Variants in DAPK3 observed in about 807,000 individuals in gnomAD.
DAPK3 encodes the protein death-associated protein kinase 3.
DAPK3 carries 24 observed loss-of-function variants against 30.6 expected under a neutral mutation model. The observed-to-expected ratio is 0.78, with a 90% confidence interval of 0.57 to 1.10. The LOEUF (loss-of-function observed/expected upper bound fraction) is 1.10, where lower values mean the gene tolerates loss of function less well. DAPK3 is among the 50% of genes least tolerant of loss of function. The probability of loss-of-function intolerance (pLI) is 0.00; values close to 1 mark genes in which losing one functional copy is unlikely to be tolerated. For missense variants in DAPK3, 629 were observed against 657.3 expected (o/e 0.96, Z 0.47); for synonymous variants, 341 against 284.0 (o/e 1.20, Z -2.02).
Position 3,959,818 on chromosome 19 carries a change from C to T in DAPK3, c.829-181G>A, listed in dbSNP as rs983549403. The stretch of plus-strand genomic sequence containing the variant: ...CTCTCTCGAGAAAAACGCTGCGGCC[C>T]TGGCCCCAGGAGTCAGCCCCGTTGG... On this transcript the variant is annotated intron_variant, in intron 8 of 8. Coordinates refer to ENST00000545797, the MANE Select transcript of DAPK3 (RefSeq NM_001348.3). 7 of 745,600 alleles carry T rather than the reference C, an allele frequency of 9.4e-6. No individual in the cohort carries two copies. In the Admixed American group the frequency reaches 1.2e-4, roughly 12 times the overall value. The allele number at this position is 745,600 out of a possible 1,614,324, so 46.2% of individuals were successfully genotyped here.
chr19:3,966,968 C>T (rs1485788290), intron 2 of DAPK3, among the ~76,000 whole-genome samples: 1 of 152,144 alleles, frequency 6.6e-6, no homozygotes, highest in African/African-American at 2.4e-5. Context: ...AGAGCTGAGC[C>T]CACCCTCTTC....
intron 6 of DAPK3, among the ~76,000 whole-genome samples, chr19:3,962,997 G>T (rs1256965688): frequency 1.3e-5 from 2 of 152,012 alleles, no homozygotes; most frequent in Admixed American, 1.3e-4. Context: ...AGCTACTCAG[G>T]AGACTGAGGC....
chr19:3,964,060 G>T, intron 4 of DAPK3, 141 bp from the exon 5 acceptor site: 1 of 800,884 alleles, frequency 1.2e-6, no homozygotes, highest in Non-Finnish European at 2.1e-6. Context: ...CTCAGGGCCT[G>T]ACGGGTAGGA....
Position 3,959,445 on chromosome 19 carries a change from C to G in DAPK3, c.1021G>C (p.Glu341Gln). 6.5e-7 allele frequency: 1 copy of G among 1,548,362 alleles called. No homozygotes were observed. The highest frequency in any genetic ancestry group is 2.4e-5 in the East Asian group (1 of 42,118). The change falls in exon 9 of 9, where the codon GAG (glutamate) becomes CAG (glutamine). Residue 341 changes from glutamate to glutamine, a missense_variant. Around this residue, in one of 2 missense-constraint regions of DAPK3, gnomAD observed 323 missense variants for 278.8 expected, o/e 1.16. Transcript: ENST00000545797. ...CAGAGCCGCCGGCTGCGCTGCAGCT[C>G]GCGCAGGCCCTCCTCGGCGGCCGCC... ...EAAAAEEGLR[E>Q]LQRSRRLCHE...
chr19:3,969,067 C>G (rs529923844), intron 2 of DAPK3, among the ~76,000 whole-genome samples: 34 of 152,198 alleles, frequency 2.2e-4, no homozygotes, highest in Non-Finnish European at 1.2e-4. Flanking sequence ...TCCCTCCCCC[C>G]ACTTTAAACA....
At chr19:3,962,492 C>A (rs1048928127) in intron 6 of DAPK3, among the ~76,000 whole-genome samples, 1 of 152,150 alleles carries the variant, frequency 6.6e-6, no homozygotes, top group Non-Finnish European at 1.5e-5. Flanking sequence ...TAAAAATTAG[C>A]CAGCTGGGCA....
At chr19:3,963,424 T>C (rs2039539687) in intron 6 of DAPK3, among the ~76,000 whole-genome samples, 1 of 145,128 alleles carries the variant, frequency 6.9e-6, no homozygotes, top group South Asian at 2.3e-4. Flanking sequence ...ACCCGGAGCC[T>C]GCTCAGCCGC....
rs953754892 is a variant in DAPK3 at position 3,961,251 on chromosome 19, G to T, written c.630-90C>A. ...GGCTGCCCACGACAGGCGGAGCACA[G>T]AAGACAGGCTGACGGCAGGTGCCTG... is the stretch of plus-strand genomic sequence containing the variant. On this transcript the variant is annotated intron_variant, in intron 6 of 8. Transcript: ENST00000545797. 39 of 1,099,362 alleles carry T rather than the reference G, an allele frequency of 3.5e-5. No homozygotes were observed. In the African/African-American group the frequency reaches 5.8e-4, roughly 16 times the overall value. 68.1% of individuals were successfully genotyped at this position (1,099,362 alleles called of 1,614,324 possible). A position where few individuals can be genotyped will look rare whatever the true frequency, so the allele number is the denominator to read the frequency against.
chr19:3,961,691 A>G (rs1216830702), intron 6 of DAPK3: 4 of 360,304 alleles, frequency 1.1e-5, no homozygotes, highest in African/African-American at 6.4e-5. Flanking sequence ...CGCCTTCTGC[A>G]AAACACCTGA....
In DAPK3 at chr19:3,962,037, T is replaced by C. The variant is rs184492380; in HGVS notation, c.630-876A>G. 2.6e-3 allele frequency among the ~76,000 whole-genome samples: 395 copies of C among 152,276 alleles called. 1 individual carries two copies. The highest frequency in any genetic ancestry group is 9.2e-3 in the African/African-American group (381 of 41,552). On this transcript the variant is annotated intron_variant, in intron 6 of 8. Transcript: ENST00000545797. ...CCACACCCAGCTAATTTTTGTATTTTTAGTAGAGACATGGTTTCATCGTGT... is the reference window on the plus strand; with the variant it reads ...CCACACCCAGCTAATTTTTGTATTTCTAGTAGAGACATGGTTTCATCGTGT...
intron 2 of DAPK3, among the ~76,000 whole-genome samples, chr19:3,965,697 C>A (rs2039571379): frequency 6.6e-6 from 1 of 152,072 alleles, no homozygotes; most frequent in South Asian, 2.1e-4. Context: ...CAGGGTCTGG[C>A]CCTGTTGCTC....
Position 3,958,559 on chromosome 19 carries a change from C to T in DAPK3, c.*542G>A, listed in dbSNP as rs1362153807. The T allele has an allele frequency of 4.4e-6, 2 of 456,428 alleles. No homozygotes were observed. The highest frequency in any genetic ancestry group is 2.4e-5 in the Admixed American group (1 of 42,426). 28.3% of individuals were successfully genotyped at this position (456,428 alleles called of 1,614,324 possible). ...CGCGGAGGAGTCCGCAGCAGGGCAC[C>T]CCACACCCGGGGGACCGGCCTCGGC... On this transcript the variant is annotated 3_prime_UTR_variant, in exon 9 of 9. Transcript: ENST00000545797.
chr19:3,964,761 C>T lies in DAPK3; in HGVS notation c.293G>A (p.Gly98Asp), dbSNP rs1214333484. 6.2e-7 allele frequency: 1 copy of T among 1,612,412 alleles called. No homozygotes were observed. Among genetic ancestry groups the T allele is most frequent in the Non-Finnish European group, 8.5e-7 (1 of 1,178,914 alleles). The change falls in exon 3 of 9, where the codon GGC becomes GAC. Residue 98 changes from glycine to aspartate, a missense_variant. Around this residue, in one of 2 missense-constraint regions of DAPK3, gnomAD observed 306 missense variants for 378.5 expected, o/e 0.81. Transcript: ENST00000545797. ...DVVLILELVS[G>D]GELFDFLAEK... The stretch of plus-strand genomic sequence containing the variant: ...CGCCAGGAAGTCAAAGAGCTCCCCG[C>T]CAGAGACCAGCTCCAGGATGAGGAC...
At chr19:3,962,714 T>C (rs2039531253) in intron 6 of DAPK3, among the ~76,000 whole-genome samples, 1 of 140,478 alleles carries the variant, frequency 7.1e-6, no homozygotes. Flanking sequence ...GAGGCAGAGG[T>C]TGCAGTAAGC....
chr19:3,961,209 G>A (rs371969840), intron 6 of DAPK3, 48 bp from the exon 7 acceptor site: 28 of 1,533,330 alleles, frequency 1.8e-5, no homozygotes, highest in South Asian at 1.8e-4. Context: ...CTCCCACCAC[G>A]GCCGCGCCGC....
rs1274678308 is a variant in DAPK3, at chr19:3,959,665, TC to T, written c.829-29del. ...AGGAAGGAGGGAAGCCTGAGCGGGG[TC>T]CCCGCGATGCCACCCAGCCCCGCCA... On this transcript the variant is annotated intron_variant, in intron 8 of 8. Transcript: ENST00000545797. 4.6e-6 allele frequency: 7 copies of T among 1,532,452 alleles called. 1 individual carries two copies. The Admixed American group carries it at 1.2e-4, about 25-fold the overall frequency. 94.9% of individuals were successfully genotyped at this position (1,532,452 alleles called of 1,614,324 possible).
In DAPK3 at chr19:3,959,608, C is replaced by T. The variant is rs1175287260; in HGVS notation, c.858G>A (p.Glu286=). The stretch of plus-strand genomic sequence containing the variant: ...GCCGCTCGGGCTTGCGGCCGCTGTC[C>T]TCACCACGCACGTTCCGCCGCCGGA... The part of the protein sequence containing the change: ...KAIRRRNVRG[E]DSGRKPERRR... Residue 286 remains glutamate, a synonymous_variant, in exon 9 of 9, where the codon GAG becomes GAA. Coordinates refer to ENST00000545797, the MANE Select transcript of DAPK3 (RefSeq NM_001348.3). The T allele has an allele frequency of 1.3e-6, 2 of 1,587,984 alleles. No homozygotes were observed. Among genetic ancestry groups the T allele is most frequent in the Non-Finnish European group, 1.7e-6 (2 of 1,175,504 alleles).
chr19:3,964,394 G>A, intron 3 of DAPK3, 21 bp from the exon 4 acceptor site: 1 of 1,605,632 alleles, frequency 6.2e-7, no homozygotes, highest in Admixed American at 1.7e-5. Context: ...AGGAGGCTCA[G>A]CAGGGAAAGC....
chr19:3,963,718 C>T (rs761342372), intron 5 of DAPK3, 49 bp from the exon 6 acceptor site: 13 of 1,472,962 alleles, frequency 8.8e-6, no homozygotes, highest in African/African-American at 1.4e-5. Context: ...GGCCGCCCAC[C>T]CTCCCAGGAC....
Sources: gnomAD v4.1 joint callset for allele counts (sites outside exome capture counted in the v4.1 genomes callset) on GRCh38, gnomAD v4.1.1 for gene constraint, gnomAD v4.1.1 regional missense constraint, MANE v1.5 for transcripts, NCBI Gene and HGNC (gene_info 2026-07-23, HGNC 2026-07-21) for gene names.